Variants in ZNF385B observed in about 807,000 individuals in gnomAD.
ZNF385B encodes zinc finger protein 385B, also known as zinc finger protein 533.
ZNF385B carries 23 observed loss-of-function variants against 39.2 expected under a neutral mutation model. The ratio of observed to expected loss-of-function variants is 0.59; its 90% CI spans 0.42 to 0.83. ZNF385B has a LOEUF of 0.83. Among genes scored for constraint, ZNF385B ranks in the 40% least tolerant of loss-of-function variants. ZNF385B has a pLI of 0.00. For missense variants in ZNF385B, 552 were observed against 598.9 expected (o/e 0.92, Z 0.82); for synonymous variants, 205 against 222.6 (o/e 0.92, Z 0.70).
intron 3 of ZNF385B, among the ~76,000 whole-genome samples, chr2:179,570,764 C>T (rs1472810082): frequency 6.6e-6 from 1 of 152,154 alleles, no homozygotes; most frequent in Non-Finnish European, 1.5e-5. Context: ...ATGGACCACC[C>T]CCTCTCCAGG....
intron 4 of ZNF385B, among the ~76,000 whole-genome samples, chr2:179,520,108 G>A (rs975946877): frequency 2.0e-5 from 3 of 151,868 alleles, no homozygotes; most frequent in African/African-American, 7.3e-5. Flanking sequence ...GAGGCAGGAG[G>A]ATCACTTGAG....
intron 3 of ZNF385B, among the ~76,000 whole-genome samples, chr2:179,616,860 C>T (rs1689792495): frequency 6.6e-6 from 1 of 152,076 alleles, no homozygotes; most frequent in Non-Finnish European, 1.5e-5. Flanking sequence ...CGCACCTGGC[C>T]CAATCAATCA....
chr2:179,778,465 T>C (rs1321889771), intron 1 of ZNF385B, among the ~76,000 whole-genome samples: 1 of 152,142 alleles, frequency 6.6e-6, no homozygotes, highest in Non-Finnish European at 1.5e-5. Context: ...TATGGAACAT[T>C]CTAGGGGTGG....
chr2:179,637,221 C>T (rs1691842234), intron 3 of ZNF385B: 4 of 152,192 alleles, frequency 2.6e-5, no homozygotes, highest in Admixed American at 2.0e-4. Context: ...ACCTAGTTTT[C>T]AGCCATGAGA....
chr2:179,582,030 A>C (rs1305663035), intron 3 of ZNF385B, among the ~76,000 whole-genome samples: 1 of 152,206 alleles, frequency 6.6e-6, no homozygotes, highest in African/African-American at 2.4e-5. Flanking sequence ...AGGACTGTAC[A>C]TATGCCTTGT....
chr2:179,678,844 C>T (rs1322177282), intron 3 of ZNF385B, among the ~76,000 whole-genome samples: 4 of 152,136 alleles, frequency 2.6e-5, no homozygotes, highest in Non-Finnish European at 4.4e-5. Context: ...CTCCTATCCC[C>T]ACGGAAATTT....
intron 3 of ZNF385B, among the ~76,000 whole-genome samples, chr2:179,592,726 TA>T (rs1687671194): frequency 6.6e-6 from 1 of 152,094 alleles, no homozygotes; most frequent in East Asian, 1.9e-4. Context: ...TTAACAAGAT[TA>T]AAAAAATTAA....
chr2:179,463,692 T>A (rs2051632311), intron 6 of ZNF385B, among the ~76,000 whole-genome samples: 1 of 152,244 alleles, frequency 6.6e-6, no homozygotes, highest in Admixed American at 6.5e-5. Context: ...CTCATCTTTT[T>A]TATGGCTGCA....
At chr2:179,448,749 T>C (rs932044758) in intron 6 of ZNF385B, among the ~76,000 whole-genome samples, 3 of 152,132 alleles carry the variant, frequency 2.0e-5, no homozygotes, top group African/African-American at 7.2e-5. Context: ...TTTCTCTAAC[T>C]GATCAGTCTG....
chr2:179,617,940 T>C (rs776948435), intron 3 of ZNF385B, among the ~76,000 whole-genome samples: 1 of 152,196 alleles, frequency 6.6e-6, no homozygotes, highest in Non-Finnish European at 1.5e-5. Context: ...GCATTAGCTA[T>C]GCTAGGAGCC....
chr2:179,510,416 CAT>C (rs1264746997), intron 5 of ZNF385B, among the ~76,000 whole-genome samples: 2 of 151,118 alleles, frequency 1.3e-5, no homozygotes, highest in Admixed American at 6.6e-5. Flanking sequence ...TGTGAATATA[CAT>C]ATATATATAG....
chr2:179,794,475 AAAT>A (rs1448939984), intron 1 of ZNF385B, among the ~76,000 whole-genome samples: 1 of 152,182 alleles, frequency 6.6e-6, no homozygotes, highest in African/African-American at 2.4e-5. Flanking sequence ...TTTATTACTA[AAAT>A]AATAATAAAA....
At chr2:179,488,470 A>G (rs1198032460) in intron 5 of ZNF385B, among the ~76,000 whole-genome samples, 1 of 152,156 alleles carries the variant, frequency 6.6e-6, no homozygotes, top group African/African-American at 2.4e-5. Context: ...TCTAATTTGG[A>G]CTTCAGAGAC....
At chr2:179,445,822 A>C in intron 7 of ZNF385B, 94 bp from the exon 8 acceptor site, 1 of 1,196,220 alleles carries the variant, frequency 8.4e-7, no homozygotes, top group Admixed American at 3.0e-5. Context: ...TGCAGGCTAA[A>C]ATTCCCAATG....
At chr2:179,536,497 T>C (rs1260267887) in intron 4 of ZNF385B, 3 of 152,186 alleles carry the variant, frequency 2.0e-5, no homozygotes, top group Non-Finnish European at 4.4e-5. Context: ...CACAGCATGG[T>C]GGGTCTACAG....
intron 1 of ZNF385B, among the ~76,000 whole-genome samples, chr2:179,848,170 G>C (rs1708896646): frequency 6.6e-6 from 1 of 152,130 alleles, no homozygotes; most frequent in Non-Finnish European, 1.5e-5. Flanking sequence ...ATGGGCTCAG[G>C]GCAAATTTAT....
intron 3 of ZNF385B, among the ~76,000 whole-genome samples, chr2:179,609,480 A>G (rs964856244): frequency 9.2e-5 from 14 of 152,332 alleles, no homozygotes; most frequent in African/African-American, 2.6e-4. Flanking sequence ...TAATCTGTCA[A>G]TGGACACTTA....
At chr2:179,499,717 T>G (rs527897116) in intron 5 of ZNF385B, among the ~76,000 whole-genome samples, 65 of 152,166 alleles carry the variant, frequency 4.3e-4, no homozygotes, top group South Asian at 2.9e-3. Context: ...ACCTTTCCTC[T>G]AAGATCTGGA....
intron 1 of ZNF385B, chr2:179,860,768 C>T (rs1401749597): frequency 2.2e-6 from 1 of 461,640 alleles, no homozygotes; most frequent in African/African-American, 2.0e-5. Flanking sequence ...GGGGCACTCT[C>T]CTCGTCCTTT....
Sources: gnomAD v4.1 joint callset for allele counts (sites outside exome capture counted in the v4.1 genomes callset) on GRCh38, gnomAD v4.1.1 for gene constraint, MANE v1.5 for transcripts, NCBI Gene and HGNC (gene_info 2026-07-23, HGNC 2026-07-21) for gene names.